Variants in SLAMF9 observed in about 807,000 individuals in gnomAD.
SLAMF9 encodes CD2 family member 10.
A neutral mutation model predicts 30.4 loss-of-function variants in SLAMF9; 25 were observed. The observed-to-expected ratio is 0.82, with a 90% confidence interval of 0.60 to 1.15. SLAMF9 has a LOEUF of 1.15. Among genes scored for constraint, SLAMF9 ranks in the 50% most tolerant of loss-of-function variants. The pLI is 0.00. For synonymous variants in SLAMF9, 129 were observed against 127.2 expected (o/e 1.01, Z -0.09); for missense variants, 344 against 346.1 (o/e 0.99, Z 0.05).
In SLAMF9 at chr1:159,953,540, T is replaced by A; in HGVS notation, c.160A>T (p.Ile54Phe). 6.2e-7 allele frequency: 1 copy of A among 1,614,234 alleles called. No individual in the cohort carries two copies. The highest frequency in any genetic ancestry group is 8.5e-7 in the Non-Finnish European group (1 of 1,180,040). The change falls in exon 2 of 4, where the codon ATC becomes TTC. Residue 54 changes from isoleucine to phenylalanine, a missense_variant. By Grantham distance (21) the Ile-to-Phe change is conservative (BLOSUM62 0). Coordinates refer to ENST00000368093, the MANE Select transcript of SLAMF9 (RefSeq NM_033438.4). ...IPPDEEVENI[I>F]WSSHKSLATV... ...GCAAGACTTTTGTGAGAGGACCAGA[T>A]GATGTTCTCAACCTCTTCATCTGGT...
chr1:159,968,534 C>T, the SLAMF9 span, among the ~76,000 whole-genome samples: 1 of 152,224 alleles, frequency 6.6e-6, no homozygotes, highest in Non-Finnish European at 1.5e-5. Flanking sequence ...GGTTTTGTGG[C>T]ACCCATGGTA....
rs35438196 is a variant in SLAMF9 at position 159,952,436 on chromosome 1, C to G, written c.490G>C (p.Asp164His). ...LVCSVEKAGM[D>H]MTYSWLSRGD... ...CGGGAGAGCCAGCTGTAGGTCATATCCATGCCTGCCTTCTCCACAGAGCAC... is the reference window on the plus strand; with the variant it reads ...CGGGAGAGCCAGCTGTAGGTCATATGCATGCCTGCCTTCTCCACAGAGCAC... The change falls in exon 3 of 4, where the codon GAT becomes CAT. Residue 164 changes from aspartate to histidine, a missense_variant. Transcript: ENST00000368093. 3.2e-3 allele frequency: 5,217 copies of G among 1,614,088 alleles called. 131 individuals carry two copies. The African/African-American group carries it at 0.058, about 18-fold the overall frequency.
chr1:159,981,913 C>T, the SLAMF9 span, among the ~76,000 whole-genome samples: 1 of 152,224 alleles, frequency 6.6e-6, no homozygotes, highest in Non-Finnish European at 1.5e-5. Flanking sequence ...CCTACCTGAT[C>T]CTCTTCCCAG....
chr1:159,972,906 G>C, the SLAMF9 span: 1 of 1,001,126 alleles, frequency 1.0e-6, no homozygotes, highest in African/African-American at 1.7e-5. Context: ...TCCTCTCCTG[G>C]GGACACTTCC....
At chr1:159,974,840 G>A in the SLAMF9 span, among the ~76,000 whole-genome samples, 85 of 152,364 alleles carry the variant, frequency 5.6e-4, no homozygotes, top group Non-Finnish European at 2.9e-4. Flanking sequence ...GGGGCTCATG[G>A]AAGAGTTCCC....
At chr1:159,979,170 G>A in the SLAMF9 span, 1 of 152,230 alleles carries the variant, frequency 6.6e-6, no homozygotes, top group Non-Finnish European at 1.5e-5. Context: ...TGGAGGTAAG[G>A]AAAGGTTGTA....
the SLAMF9 span, among the ~76,000 whole-genome samples, chr1:159,975,988 C>A: frequency 6.6e-6 from 1 of 152,162 alleles, no homozygotes; most frequent in Admixed American, 6.5e-5. Context: ...CTGTTCTGGG[C>A]TGGAGATAGA....
chr1:159,970,260 G>A, the SLAMF9 span, among the ~76,000 whole-genome samples: 1 of 152,152 alleles, frequency 6.6e-6, no homozygotes, highest in East Asian at 1.9e-4. Context: ...TAAAACCCAA[G>A]CCACCTCATA....
upstream of SLAMF9, among the ~76,000 whole-genome samples, chr1:159,957,883 AT>A (rs1221726855): frequency 1.3e-5 from 2 of 152,216 alleles, no homozygotes; most frequent in Non-Finnish European, 2.9e-5. Context: ...ATACCGTTAG[AT>A]TATCTGAGAA....
the SLAMF9 span, among the ~76,000 whole-genome samples, chr1:159,960,461 CTTT>C: frequency 1.5e-5 from 2 of 130,764 alleles, no homozygotes; most frequent in Admixed American, 7.8e-5. Flanking sequence ...CTCTGATGAT[CTTT>C]TTTTTTTTTT....
chr1:159,971,007 A>G, the SLAMF9 span, among the ~76,000 whole-genome samples: 2 of 152,182 alleles, frequency 1.3e-5, no homozygotes, highest in Non-Finnish European at 2.9e-5. Flanking sequence ...AACAATACAC[A>G]CACAATATTT....
the SLAMF9 span, among the ~76,000 whole-genome samples, chr1:159,981,240 CTG>C: frequency 3.9e-5 from 6 of 152,290 alleles, no homozygotes; most frequent in African/African-American, 1.4e-4. Context: ...AGAGGGAAGA[CTG>C]TGCGGAGACA....
At chr1:159,963,707 T>C in the SLAMF9 span, among the ~76,000 whole-genome samples, 9 of 152,168 alleles carry the variant, frequency 5.9e-5, no homozygotes, top group Non-Finnish European at 8.8e-5. Context: ...CTGATGCTTA[T>C]TGATCTCAAA....
the SLAMF9 span, chr1:159,976,689 C>G: frequency 1.3e-5 from 2 of 151,870 alleles, no homozygotes; most frequent in African/African-American, 4.8e-5. Context: ...GAGAATGGAT[C>G]CATTCCCTGC....
chr1:159,953,499 C>A lies in SLAMF9; in HGVS notation c.201G>T (p.Gly67=), dbSNP rs1403973012. ...TGATGGTAGCTGGATGTCCCTCTTT[C>A]CCTGGCACCACAGTGGCAAGACTTT... ...SHKSLATVVP[G]KEGHPATIMV... The change falls in exon 2 of 4, where the codon GGG becomes GGT. Residue 67 remains glycine, a synonymous_variant. Transcript: ENST00000368093. 10 of 1,614,088 alleles carry A rather than the reference C, an allele frequency of 6.2e-6. No homozygotes were observed. The Admixed American group carries it at 1.5e-4, about 24-fold the overall frequency.
At position 159,952,547 on chromosome 1, in the gene SLAMF9, G is replaced by A. The variant is rs778445010; in HGVS notation, c.392-13C>T. The A allele has an allele frequency of 1.6e-5, 25 of 1,611,522 alleles. No individual in the cohort carries two copies. Among genetic ancestry groups the A allele is most frequent in the African/African-American group, 2.7e-5 (2 of 74,864 alleles). Reference sequence around the variant, plus strand: ...TCTGACAGCCATCCTGGATGAAGGGGAAACACAAAGACCCTCTAAACAATC... The same window carrying A: ...TCTGACAGCCATCCTGGATGAAGGGAAAACACAAAGACCCTCTAAACAATC... On this transcript the variant is annotated splice_polypyrimidine_tract_variant and intron_variant, in intron 2 of 3. Transcript: ENST00000368093.
the SLAMF9 span, chr1:159,972,977 C>T: frequency 7.8e-7 from 1 of 1,289,020 alleles, no homozygotes. Flanking sequence ...GGGGGCGTCG[C>T]CACTCCCTCG....
At chr1:159,973,076 A>T in the SLAMF9 span, 1 of 1,481,758 alleles carries the variant, frequency 6.7e-7, no homozygotes, top group South Asian at 1.4e-5. Flanking sequence ...AGTAAAGCCC[A>T]GAGTCTCCCT....
At chr1:159,970,697 C>T in the SLAMF9 span, among the ~76,000 whole-genome samples, 59 of 152,254 alleles carry the variant, frequency 3.9e-4, no homozygotes, top group Non-Finnish European at 7.2e-4. Flanking sequence ...TTTTCTAAGA[C>T]GTGTGTGAGA....
Sources: gnomAD v4.1 joint callset for allele counts (sites outside exome capture counted in the v4.1 genomes callset) on GRCh38, gnomAD v4.1.1 for gene constraint, MANE v1.5 for transcripts, NCBI Gene and HGNC (gene_info 2026-07-23, HGNC 2026-07-21) for gene names.